The following ELP3 variants were observed in gnomAD, a reference collection of about 807,000 sequenced individuals.
ELP3 encodes the protein elongator acetyltransferase complex subunit 3.
Under a neutral mutation model 74.9 loss-of-function variants are expected in ELP3, and 56 were observed. The observed-to-expected ratio is 0.75, with a 90% CI of 0.60 to 0.93. ELP3 has a LOEUF of 0.93. Ranked by LOEUF, ELP3 falls within the 40% of genes least tolerant of loss-of-function variation. The pLI is 0.00. For synonymous variants in ELP3, 222 were observed against 239.8 expected, an observed-to-expected ratio of 0.93 and a Z score of 0.68; for missense variants, 573 against 686.5, an observed-to-expected ratio of 0.83 and a Z score of 1.85.
rs1811408072 is a variant in ELP3 at position 28,099,925 on chromosome 8, A to G, written c.217A>G (p.Met73Val). Reference sequence around the variant, plus strand: ...CCCTCCTCAGTATCGCAAGGTCTTGATGCCCAAGTTAAAGGCGAAACCCAT... The same window carrying G: ...CCCTCCTCAGTATCGCAAGGTCTTGGTGCCCAAGTTAAAGGCGAAACCCAT... The part of the protein sequence containing the change: ...AVPPQYRKVL[M>V]PKLKAKPIRT... Residue 73 changes from methionine (M) to valine (V), a missense_variant, in exon 3 of 15, where the codon ATG (methionine) becomes GTG (valine). Coordinates refer to ENST00000256398, the MANE Select transcript of ELP3 (RefSeq NM_018091.6). 6.2e-7 allele frequency: 1 copy of G among 1,614,192 alleles called. No individual in the cohort carries two copies. The highest frequency in any genetic ancestry group is 8.5e-7 in the Non-Finnish European group (1 of 1,180,042).
rs1210764325 is a variant in ELP3 at position 28,189,918 on chromosome 8, C to T, written c.*193C>T. On this transcript the variant is annotated 3_prime_UTR_variant, in exon 15 of 15. Coordinates refer to ENST00000256398, the MANE Select transcript of ELP3 (RefSeq NM_018091.6). ...GCTGACCACACCCCAGATCCGCCCT[C>T]TCCTGCGTGCACCCCAAAAAATCAC... The T allele has an allele frequency of 7.5e-6, 4 of 531,976 alleles. No individual in the cohort carries two copies. Among genetic ancestry groups the T allele is most frequent in the Non-Finnish European group, 1.3e-5 (4 of 302,300 alleles). 33.0% of individuals were successfully genotyped at this position (531,976 alleles called of 1,614,324 possible). A position where few individuals can be genotyped will look rare whatever the true frequency, so the allele number is the denominator to read the frequency against.
chr8:28,138,609 A>G lies in ELP3; in HGVS notation c.1100+718A>G, dbSNP rs146537707. Among the ~76,000 whole-genome samples, 8 of 152,372 alleles carry G rather than the reference A, an allele frequency of 5.3e-5. No homozygotes were observed. In the East Asian group the frequency reaches 1.3e-3, roughly 26 times the overall value. On this transcript the variant is annotated intron_variant, in intron 10 of 14. Coordinates refer to ENST00000256398, the MANE Select transcript of ELP3 (RefSeq NM_018091.6). ...GTTCCAATATTACAAATGCAAGGCCAGAAGGAGACTGCAAATGCATTACAA... is the reference window on the plus strand; with the variant it reads ...GTTCCAATATTACAAATGCAAGGCCGGAAGGAGACTGCAAATGCATTACAA...
At chr8:28,134,764 C>G (rs1183395188) in intron 9 of ELP3, among the ~76,000 whole-genome samples, 1 of 152,158 alleles carries the variant, frequency 6.6e-6, no homozygotes, top group Non-Finnish European at 1.5e-5. Flanking sequence ...CTTTTCTTAT[C>G]TCTCTGAAGA....
intron 7 of ELP3, among the ~76,000 whole-genome samples, chr8:28,122,727 A>G (rs1275309386): frequency 1.3e-5 from 2 of 152,202 alleles, no homozygotes; most frequent in Non-Finnish European, 1.5e-5. Context: ...TTTTCAAAGA[A>G]GTAGCTTTTG....
At chr8:28,179,835 T>TG (rs1472928220) in intron 14 of ELP3, among the ~76,000 whole-genome samples, 1 of 152,114 alleles carries the variant, frequency 6.6e-6, no homozygotes, top group African/African-American at 2.4e-5. Flanking sequence ...ATGTGAGCAA[T>TG]GGGGAGTGGC....
At chr8:28,116,734 G>A (rs1240652684) in intron 7 of ELP3, among the ~76,000 whole-genome samples, 1 of 152,002 alleles carries the variant, frequency 6.6e-6, no homozygotes, top group East Asian at 1.9e-4. Context: ...GTGAGACTGT[G>A]TCTCAAAAAA....
In ELP3 at chr8:28,107,870, C is replaced by G. The variant is rs1811758098; in HGVS notation, c.330-43C>G. The G allele has an allele frequency of 2.6e-6, 4 of 1,542,378 alleles. No individual in the cohort carries two copies. The Admixed American group carries it at 6.7e-5, about 26-fold the overall frequency. ...ATGCTTGGAACTAGCTGATTGAACTCAGTTTTGCATCTGACATTCTTGTTC... is the reference window on the plus strand; with the variant it reads ...ATGCTTGGAACTAGCTGATTGAACTGAGTTTTGCATCTGACATTCTTGTTC... On this transcript the variant is annotated intron_variant, in intron 4 of 14. Transcript: ENST00000256398.
upstream of ELP3, among the ~76,000 whole-genome samples, chr8:28,092,629 C>T (rs1297613922): frequency 2.0e-5 from 3 of 152,260 alleles, no homozygotes; most frequent in East Asian, 5.8e-4. Flanking sequence ...CGATGGTTAC[C>T]GATCATATGT....
chr8:28,167,009 C>T (rs911504063), intron 14 of ELP3, among the ~76,000 whole-genome samples: 6 of 152,114 alleles, frequency 3.9e-5, no homozygotes, highest in Admixed American at 6.5e-5. Flanking sequence ...CGTACAAGGC[C>T]GATGGATCAC....
chr8:28,113,396 A>G (rs770912970), intron 7 of ELP3, among the ~76,000 whole-genome samples: 1 of 152,272 alleles, frequency 6.6e-6, no homozygotes, highest in Non-Finnish European at 1.5e-5. Flanking sequence ...TAAAGAAAAA[A>G]TGAATACAGT....
intron 14 of ELP3, among the ~76,000 whole-genome samples, chr8:28,171,533 G>A (rs1563286836): frequency 6.6e-6 from 1 of 152,008 alleles, no homozygotes; most frequent in Non-Finnish European, 1.5e-5. Context: ...TTGTTGTTGA[G>A]TTGTAGGAGT....
intron 14 of ELP3, among the ~76,000 whole-genome samples, chr8:28,188,619 A>C (rs1815334515): frequency 6.6e-6 from 1 of 152,248 alleles, no homozygotes; most frequent in Non-Finnish European, 1.5e-5. Context: ...GTGCACCCCA[A>C]CGCGGTGGGG....
At position 28,113,152 on chromosome 8, in the gene ELP3, A is replaced by G. The variant is rs1326580568; in HGVS notation, c.596A>G (p.Asn199Ser). The G allele has an allele frequency of 6.2e-7, 1 of 1,613,054 alleles. No individual in the cohort carries two copies. The highest frequency in any genetic ancestry group is 1.3e-5 in the African/African-American group (1 of 74,880). The change falls in exon 7 of 15, where the codon AAC becomes AGC. Residue 199 changes from asparagine to serine, a missense_variant. Transcript: ENST00000256398. ...GATGCCTTATCAGGACATACTTCCA[A>G]CAATATTTACGAGGCAGTCAAGTAA... is the stretch of plus-strand genomic sequence containing the variant. ...LHDALSGHTS[N>S]NIYEAVKYSE...
intron 7 of ELP3, among the ~76,000 whole-genome samples, chr8:28,127,690 C>T (rs578245915): frequency 5.3e-5 from 8 of 152,236 alleles, no homozygotes; most frequent in African/African-American, 1.9e-4. Flanking sequence ...TCTATTGTTT[C>T]AGAGAAGCCA....
chr8:28,127,096 A>G lies in ELP3; in HGVS notation c.618-2406A>G, dbSNP rs905018415. ...GTAATGACATTTCCCGCCTGAGGAAAAACATTTTTGAAATGGAGTTAAATT... is the reference window on the plus strand; with the variant it reads ...GTAATGACATTTCCCGCCTGAGGAAGAACATTTTTGAAATGGAGTTAAATT... On this transcript the variant is annotated intron_variant, in intron 7 of 14. Coordinates refer to ENST00000256398, the MANE Select transcript of ELP3 (RefSeq NM_018091.6). Among the ~76,000 whole-genome samples, 3 of 152,222 alleles carry G rather than the reference A, an allele frequency of 2.0e-5. No individual in the cohort carries two copies. In the East Asian group the frequency reaches 5.8e-4, roughly 29 times the overall value.
At chr8:28,094,454 C>T (rs1281233988) in intron 1 of ELP3, among the ~76,000 whole-genome samples, 5 of 152,318 alleles carry the variant, frequency 3.3e-5, no homozygotes, top group Middle Eastern at 3.4e-3. Context: ...CGCGGTGGCT[C>T]ATGCCGGTAA....
chr8:28,100,645 A>G (rs962820050), intron 3 of ELP3, among the ~76,000 whole-genome samples: 4 of 152,246 alleles, frequency 2.6e-5, no homozygotes, highest in African/African-American at 9.6e-5. Flanking sequence ...CAAAGCAGCT[A>G]GATAATAGGA....
intron 10 of ELP3, among the ~76,000 whole-genome samples, chr8:28,148,445 G>A (rs899227410): frequency 6.6e-6 from 1 of 152,078 alleles, no homozygotes; most frequent in Non-Finnish European, 1.5e-5. Context: ...CACTGAGACA[G>A]GGCATCATTT....
intron 2 of ELP3, among the ~76,000 whole-genome samples, 164 bp downstream of exon 2, chr8:28,097,482 C>T (rs1230301185): frequency 7.3e-5 from 11 of 150,922 alleles, no homozygotes; most frequent in Admixed American, 2.6e-4. Context: ...TTGCAAGTTC[C>T]GCCTCTGGGG....
Sources: allele counts gnomAD v4.1 joint callset (sites outside exome capture counted in the v4.1 genomes callset), GRCh38; gene constraint gnomAD v4.1.1; transcripts MANE v1.5; gene names NCBI Gene and HGNC (gene_info 2026-07-23, HGNC 2026-07-21).